The following BCKDHB variants were observed in gnomAD, a reference collection of about 807,000 sequenced individuals.
The protein encoded by BCKDHB is 2-oxoisovalerate dehydrogenase subunit beta, mitochondrial.
In BCKDHB, 41 loss-of-function variants were observed where a neutral mutation model predicts 48.5. The ratio of observed to expected loss-of-function variants is 0.85; its 90% CI spans 0.66 to 1.10. The LOEUF (loss-of-function observed/expected upper bound fraction) is 1.10, where lower values mean the gene tolerates loss of function less well. BCKDHB is among the 50% of genes least tolerant of loss of function. The pLI is 0.00. For missense variants in BCKDHB, 496 were observed against 494.2 expected, an observed-to-expected ratio of 1.00 and a Z score of -0.03; for synonymous variants, 201 against 174.8, an observed-to-expected ratio of 1.15 and a Z score of -1.18.
chr6:80,301,674 T>TA (rs1436762073), intron 9 of BCKDHB, among the ~76,000 whole-genome samples: 1 of 152,120 alleles, frequency 6.6e-6, no homozygotes, highest in Non-Finnish European at 1.5e-5. Flanking sequence ...ATCAGCCTGA[T>TA]ACCAAAATCT....
chr6:80,409,914 C>A, the BCKDHB span, among the ~76,000 whole-genome samples: 1 of 151,786 alleles, frequency 6.6e-6, no homozygotes, highest in Non-Finnish European at 1.5e-5. Flanking sequence ...GGACATTTAG[C>A]CCATTTACAT....
intron 9 of BCKDHB, among the ~76,000 whole-genome samples, chr6:80,327,291 G>A (rs900642764): frequency 6.6e-6 from 1 of 152,208 alleles, no homozygotes; most frequent in African/African-American, 2.4e-5. Context: ...ATTTTATAAT[G>A]AAGTGTTGAA....
chr6:80,425,352 C>G, the BCKDHB span, among the ~76,000 whole-genome samples: 4 of 152,138 alleles, frequency 2.6e-5, no homozygotes, highest in Admixed American at 6.5e-5. Context: ...CCAAATTTTC[C>G]TTTGGTTATG....
At chr6:80,449,372 A>C in the BCKDHB span, among the ~76,000 whole-genome samples, 2 of 152,198 alleles carry the variant, frequency 1.3e-5, no homozygotes, top group African/African-American at 4.8e-5. Flanking sequence ...AAACGTGATA[A>C]TAGACTGTGA....
intron 8 of BCKDHB, among the ~76,000 whole-genome samples, chr6:80,212,069 C>A (rs1428107624): frequency 1.3e-5 from 2 of 152,098 alleles, no homozygotes; most frequent in Non-Finnish European, 2.9e-5. Flanking sequence ...ACAAAGATCA[C>A]AAGGCAAAGG....
intron 6 of BCKDHB, among the ~76,000 whole-genome samples, chr6:80,178,218 G>A (rs1437086507): frequency 2.0e-5 from 3 of 152,154 alleles, no homozygotes; most frequent in East Asian, 3.9e-4. Context: ...CTGGGATGAT[G>A]GGAGACTGGG....
intron 9 of BCKDHB, among the ~76,000 whole-genome samples, chr6:80,323,430 T>G (rs1206518304): frequency 6.6e-6 from 1 of 152,188 alleles, no homozygotes; most frequent in African/African-American, 2.4e-5. Flanking sequence ...TACATAGATA[T>G]CGCCTCCCAA....
intron 9 of BCKDHB, among the ~76,000 whole-genome samples, chr6:80,321,815 C>CT (rs1212228599): frequency 6.6e-6 from 1 of 152,138 alleles, no homozygotes; most frequent in Admixed American, 6.5e-5. Context: ...CCGTTATTCT[C>CT]TACTTCCAAT....
At chr6:80,154,410 A>G (rs549507971) in intron 3 of BCKDHB, among the ~76,000 whole-genome samples, 1 of 152,262 alleles carries the variant, frequency 6.6e-6, no homozygotes, top group East Asian at 1.9e-4. Flanking sequence ...ACATCTATCT[A>G]ATAAGATTAG....
At chr6:80,302,198 A>G (rs1767619059) in intron 9 of BCKDHB, among the ~76,000 whole-genome samples, 1 of 152,142 alleles carries the variant, frequency 6.6e-6, no homozygotes, top group Admixed American at 6.6e-5. Flanking sequence ...TAAGAAATGA[A>G]GAAATCAAAC....
intron 6 of BCKDHB, among the ~76,000 whole-genome samples, chr6:80,179,749 G>A (rs372933495): frequency 6.6e-6 from 1 of 152,122 alleles, no homozygotes; most frequent in Non-Finnish European, 1.5e-5. Context: ...TTCTTTGAAA[G>A]TTATAAAAAC....
At chr6:80,417,446 G>A in the BCKDHB span, among the ~76,000 whole-genome samples, 4 of 151,508 alleles carry the variant, frequency 2.6e-5, no homozygotes, top group Non-Finnish European at 3.0e-5. Flanking sequence ...GTGTCAGTGT[G>A]TACCTCAGTG....
chr6:80,290,852 A>T (rs979502908), intron 9 of BCKDHB, among the ~76,000 whole-genome samples: 1 of 152,250 alleles, frequency 6.6e-6, no homozygotes, highest in Non-Finnish European at 1.5e-5. Flanking sequence ...ATGCTAAACA[A>T]GGGATGGATT....
chr6:80,169,782 CT>C, intron 5 of BCKDHB: 4 of 1,587,726 alleles, frequency 2.5e-6, no homozygotes, highest in Admixed American at 1.7e-5. Flanking sequence ...ATGTTTTATT[CT>C]TTTTTTCTTA....
At chr6:80,191,945 G>A (rs1474018972) in intron 6 of BCKDHB, among the ~76,000 whole-genome samples, 3 of 152,170 alleles carry the variant, frequency 2.0e-5, no homozygotes, top group African/African-American at 7.2e-5. Context: ...TGTGCTTGGT[G>A]ACACAGAAAA....
chr6:80,338,870 A>T (rs1035925329), intron 9 of BCKDHB, among the ~76,000 whole-genome samples: 4 of 152,182 alleles, frequency 2.6e-5, no homozygotes, highest in East Asian at 3.9e-4. Flanking sequence ...AATAATGGGG[A>T]ATTGTAATAC....
chr6:80,166,743 A>G (rs1208735351), intron 3 of BCKDHB, among the ~76,000 whole-genome samples: 1 of 152,126 alleles, frequency 6.6e-6, no homozygotes, highest in Non-Finnish European at 1.5e-5. Context: ...CAGAGAATAT[A>G]TGTAATTTTC....
At chr6:80,201,762 C>T (rs1036400574) in intron 7 of BCKDHB, among the ~76,000 whole-genome samples, 2 of 152,068 alleles carry the variant, frequency 1.3e-5, no homozygotes, top group African/African-American at 4.8e-5. Context: ...TTTTCTCTGG[C>T]CACGAACTCC....
chr6:80,321,482 G>A (rs181122174), intron 9 of BCKDHB, among the ~76,000 whole-genome samples: 5 of 152,258 alleles, frequency 3.3e-5, no homozygotes, highest in Admixed American at 3.3e-4. Context: ...TTGCCATCAT[G>A]TGGTCATGAG....
Sources: allele counts gnomAD v4.1 joint callset (sites outside exome capture counted in the v4.1 genomes callset), GRCh38; gene constraint gnomAD v4.1.1; transcripts MANE v1.5; gene names NCBI Gene and HGNC (gene_info 2026-07-23, HGNC 2026-07-21).